Variants in AGMO observed in about 807,000 individuals in gnomAD.
AGMO encodes alkylglycerol monooxygenase, also known as glyceryl-ether monooxygenase.
A neutral mutation model predicts 60.2 loss-of-function variants in AGMO; 75 were observed. The ratio of observed to expected loss-of-function variants is 1.25; its 90% CI spans 1.03 to 1.51. AGMO has a LOEUF of 1.51. Among genes scored for constraint, AGMO ranks in the 40% most tolerant of loss-of-function variants. The pLI is 0.00. For synonymous variants in AGMO, 261 were observed against 177.1 expected, an observed-to-expected ratio of 1.47 and a Z score of -3.76; for missense variants, 763 against 525.5, an observed-to-expected ratio of 1.45 and a Z score of -4.42.
intron 4 of AGMO, among the ~76,000 whole-genome samples, chr7:15,427,124 T>G (rs1159958587): frequency 6.6e-6 from 1 of 152,176 alleles, no homozygotes; most frequent in Non-Finnish European, 1.5e-5. Context: ...TAATATTGGC[T>G]GATATATTTG....
chr7:15,377,859 T>C (rs1231064200), intron 10 of AGMO, among the ~76,000 whole-genome samples: 1 of 152,034 alleles, frequency 6.6e-6, no homozygotes, highest in African/African-American at 2.4e-5. Flanking sequence ...CTAAGCATTT[T>C]GGTGGTTTGA....
chr7:15,514,981 G>C (rs919996621), intron 3 of AGMO, among the ~76,000 whole-genome samples: 4 of 152,160 alleles, frequency 2.6e-5, no homozygotes, highest in African/African-American at 9.7e-5. Flanking sequence ...CAGCAATGCT[G>C]CAACAGTTTA....
intron 12 of AGMO, among the ~76,000 whole-genome samples, chr7:15,325,456 ATTATTTT>A (rs1781308479): frequency 6.6e-6 from 1 of 152,104 alleles, no homozygotes; most frequent in Non-Finnish European, 1.5e-5. Flanking sequence ...CTTATTTTTA[ATTATTTT>A]CCGTTGTTTT....
intron 12 of AGMO, among the ~76,000 whole-genome samples, chr7:15,324,806 T>C (rs575677485): frequency 1.3e-5 from 2 of 152,162 alleles, no homozygotes; most frequent in Admixed American, 1.3e-4. Flanking sequence ...CGAGCTCCCA[T>C]GAGAATCTAA....
At chr7:15,529,727 CTA>C (rs1165891025) in intron 3 of AGMO, among the ~76,000 whole-genome samples, 3 of 81,092 alleles carry the variant, frequency 3.7e-5, no homozygotes, top group African/African-American at 1.0e-4. Flanking sequence ...ACTATATACT[CTA>C]TATATATTCT....
intron 3 of AGMO, among the ~76,000 whole-genome samples, chr7:15,539,915 A>C (rs2115270596): frequency 6.6e-6 from 1 of 152,032 alleles, no homozygotes; most frequent in East Asian, 1.9e-4. Context: ...TCATATGAAA[A>C]CCCTAATTTG....
chr7:15,228,092 A>G (rs964787270), intron 12 of AGMO, among the ~76,000 whole-genome samples: 2 of 152,050 alleles, frequency 1.3e-5, no homozygotes, highest in South Asian at 2.1e-4. Context: ...TAATTTCTTT[A>G]AAGTTTTTCT....
At chr7:15,309,604 C>T (rs903631331) in intron 12 of AGMO, among the ~76,000 whole-genome samples, 1 of 151,956 alleles carries the variant, frequency 6.6e-6, no homozygotes, top group Non-Finnish European at 1.5e-5. Flanking sequence ...AGACAGGTCC[C>T]TAATTATTAG....
chr7:15,548,091 C>T (rs1009484123), intron 2 of AGMO, among the ~76,000 whole-genome samples: 15 of 152,216 alleles, frequency 9.9e-5, no homozygotes, highest in African/African-American at 3.6e-4. Flanking sequence ...TCCAACAGAC[C>T]TGCAGCTGAC....
chr7:15,354,626 A>G (rs970869289), intron 12 of AGMO, among the ~76,000 whole-genome samples: 28 of 145,270 alleles, frequency 1.9e-4, no homozygotes, highest in African/African-American at 5.7e-4. Context: ...ATACCCTTAT[A>G]TTCTAAAAAT....
chr7:15,531,835 A>C (rs1439436599), intron 3 of AGMO, among the ~76,000 whole-genome samples: 2 of 150,804 alleles, frequency 1.3e-5, no homozygotes, highest in Non-Finnish European at 2.9e-5. Context: ...TGCCCAGCTA[A>C]TTTTTGTCTT....
intron 10 of AGMO, among the ~76,000 whole-genome samples, chr7:15,375,148 G>A (rs1002482892): frequency 6.6e-6 from 1 of 152,034 alleles, no homozygotes; most frequent in Admixed American, 6.6e-5. Context: ...AGAGTCTGTT[G>A]TTAACATATT....
At chr7:15,419,904 T>C (rs1780880355) in intron 4 of AGMO, among the ~76,000 whole-genome samples, 1 of 152,040 alleles carries the variant, frequency 6.6e-6, no homozygotes, top group African/African-American at 2.4e-5. Flanking sequence ...AGATCTGTGA[T>C]ACTATGATTT....
chr7:15,555,631 T>A (rs1323660764), intron 2 of AGMO, among the ~76,000 whole-genome samples: 1 of 151,924 alleles, frequency 6.6e-6, no homozygotes, highest in African/African-American at 2.4e-5. Context: ...CATAAAACCA[T>A]AAACCTTTAT....
chr7:15,284,717 C>G (rs1172750022), intron 12 of AGMO, among the ~76,000 whole-genome samples: 3 of 151,834 alleles, frequency 2.0e-5, no homozygotes, highest in Non-Finnish European at 4.4e-5. Flanking sequence ...CCCTAACTAT[C>G]TATGAAGCCA....
intron 4 of AGMO, 142 bp downstream of exon 4, chr7:15,430,863 T>C (rs1217520533): frequency 9.9e-6 from 5 of 503,218 alleles, no homozygotes; most frequent in Non-Finnish European, 1.7e-5. Context: ...AGAAAGATTT[T>C]AGCATCTGGC....
intron 12 of AGMO, among the ~76,000 whole-genome samples, chr7:15,307,701 C>T (rs575084904): frequency 2.0e-5 from 3 of 152,116 alleles, no homozygotes; most frequent in Admixed American, 2.0e-4. Context: ...ACCTAGTTTC[C>T]TAAGTTACAG....
the AGMO span, among the ~76,000 whole-genome samples, chr7:15,187,219 G>C: frequency 6.6e-6 from 1 of 152,120 alleles, no homozygotes; most frequent in Non-Finnish European, 1.5e-5. Flanking sequence ...TCAGTTACTT[G>C]GAAAATTAGA....
Position 15,385,530 on chromosome 7 carries a change from A to G in AGMO, c.990T>C (p.Ser330=). 2.5e-6 allele frequency: 4 copies of G among 1,613,100 alleles called. No homozygotes were observed. Among genetic ancestry groups the G allele is most frequent in the Non-Finnish European group, 3.4e-6 (4 of 1,179,300 alleles). ...TATATATCTTTAATAGCTGAGATGAAGATGATGAGAAGGGAACTTCTTTGC... is the reference window on the plus strand; with the variant it reads ...TATATATCTTTAATAGCTGAGATGAGGATGATGAGAAGGGAACTTCTTTGC... ...VTGKEVPFSS[S]SSQLLKIYTV... The change falls in exon 10 of 13, where the codon TCT becomes TCC. Residue 330 remains serine (S), a synonymous_variant. Coordinates refer to ENST00000342526, the MANE Select transcript of AGMO (RefSeq NM_001004320.2).
Sources: allele counts gnomAD v4.1 joint callset (sites outside exome capture counted in the v4.1 genomes callset), GRCh38; gene constraint gnomAD v4.1.1; transcripts MANE v1.5; gene names NCBI Gene and HGNC (gene_info 2026-07-23, HGNC 2026-07-21).